Variants in SLC38A11 observed in about 807,000 individuals in gnomAD.
The protein encoded by SLC38A11 is solute carrier family 38 member 11.
In SLC38A11, 51 loss-of-function variants were observed where a neutral mutation model predicts 49.4. That is an observed-to-expected ratio of 1.03 (90% CI 0.83 to 1.30). The LOEUF is 1.30. Ranked by LOEUF, SLC38A11 falls within the 50% of genes most tolerant of loss-of-function variation. The pLI is 0.00. For missense variants in SLC38A11, 574 were observed against 556.2 expected, an observed-to-expected ratio of 1.03 and a Z score of -0.32; for synonymous variants, 203 against 192.9, an observed-to-expected ratio of 1.05 and a Z score of -0.43.
intron 3 of SLC38A11, among the ~76,000 whole-genome samples, chr2:164,952,465 G>A (rs1688586511): frequency 2.0e-5 from 3 of 152,164 alleles, no homozygotes; most frequent in South Asian, 4.1e-4. Flanking sequence ...AGTGAAAAAG[G>A]CACATGAAAA....
chr2:164,932,200 C>A (rs966443548), intron 7 of SLC38A11, among the ~76,000 whole-genome samples: 1 of 151,930 alleles, frequency 6.6e-6, no homozygotes, highest in Non-Finnish European at 1.5e-5. Flanking sequence ...GAATCAAAAC[C>A]ACAATGACAT....
Position 164,898,403 on chromosome 2 carries a change from C to T in SLC38A11, c.*34G>A, listed in dbSNP as rs764311971. ...GCGTAAATGTTATGTGTTTTAAAGTCTATGAAAACATACATATTTTTAAAG... is the reference window on the plus strand; with the variant it reads ...GCGTAAATGTTATGTGTTTTAAAGTTTATGAAAACATACATATTTTTAAAG... On this transcript the variant is annotated 3_prime_UTR_variant, in exon 12 of 12. Transcript: ENST00000685975. The T allele has an allele frequency of 4.2e-6, 6 of 1,440,674 alleles. No homozygotes were observed. The African/African-American group carries it at 4.3e-5, about 10-fold the overall frequency. The allele number at this position is 1,440,674 out of a possible 1,614,324, so 89.2% of individuals were successfully genotyped here. A position where few individuals can be genotyped will look rare whatever the true frequency, so the allele number is the denominator to read the frequency against.
intron 11 of SLC38A11, among the ~76,000 whole-genome samples, chr2:164,902,779 G>A (rs1195117973): frequency 6.6e-6 from 1 of 151,962 alleles, no homozygotes; most frequent in African/African-American, 2.4e-5. Context: ...GTAACTTTTT[G>A]AATTTTTACA....
rs1687986828 is a variant in SLC38A11 at position 164,944,617 on chromosome 2, T to C, written c.382A>G (p.Ile128Val). Residue 128 changes from isoleucine (I) to valine (V), a missense_variant, in exon 5 of 12, where the codon ATA (isoleucine) becomes GTA (valine). Physicochemically the swap from Ile to Val is conservative, Grantham distance 29. Transcript: ENST00000685975. ...YPFIAMISYN[I>V]IAGDTLSKVF... ...TTGCTCAAAGTATCTCCAGCTATTA[T>C]ATTGTAACTTATCATTGCTAAAAAC... 2 of 1,313,008 alleles carry C rather than the reference T, an allele frequency of 1.5e-6. No homozygotes were observed. The highest frequency in any genetic ancestry group is 1.5e-5 in the African/African-American group (1 of 66,348). The allele number at this position is 1,313,008 out of a possible 1,614,324, so 81.3% of individuals were successfully genotyped here.
chr2:164,916,424 AG>A (rs1301963502), intron 7 of SLC38A11, among the ~76,000 whole-genome samples: 5 of 152,096 alleles, frequency 3.3e-5, no homozygotes, highest in African/African-American at 1.2e-4. Flanking sequence ...TTATTGAGAG[AG>A]GTAAACATGA....
intron 3 of SLC38A11, among the ~76,000 whole-genome samples, chr2:164,951,277 G>C (rs1688506781): frequency 6.6e-6 from 1 of 152,118 alleles, no homozygotes; most frequent in African/African-American, 2.4e-5. Context: ...ATAAACCATA[G>C]TGATTATGGT....
At position 164,952,336 on chromosome 2, in the gene SLC38A11, G is replaced by A. The variant is rs551854831; in HGVS notation, c.229+371C>T. Reference sequence around the variant, plus strand: ...CCTCCACAAACAACAGCTGAATAAGGTTGCTCATTCACACGCACCTGCCCA... The same window carrying A: ...CCTCCACAAACAACAGCTGAATAAGATTGCTCATTCACACGCACCTGCCCA... On this transcript the variant is annotated intron_variant, in intron 3 of 11. Coordinates refer to ENST00000685975, the MANE Select transcript of SLC38A11 (RefSeq NM_001351537.2). Among the ~76,000 whole-genome samples, 4 of 152,216 alleles carry A rather than the reference G, an allele frequency of 2.6e-5. No individual in the cohort carries two copies. The South Asian group carries it at 8.3e-4, about 32-fold the overall frequency.
At chr2:164,908,327 C>G (rs1685159601) in intron 11 of SLC38A11, among the ~76,000 whole-genome samples, 1 of 152,040 alleles carries the variant, frequency 6.6e-6, no homozygotes, top group Non-Finnish European at 1.5e-5. Flanking sequence ...CATTTTGGAT[C>G]AGATAATTTT....
At chr2:164,910,109 CTG>C (rs917723119) in intron 10 of SLC38A11, among the ~76,000 whole-genome samples, 4 of 151,702 alleles carry the variant, frequency 2.6e-5, no homozygotes, top group Admixed American at 6.6e-5. Flanking sequence ...GTGTGTGTAC[CTG>C]TGTGTGTGTG....
rs4001062 is a variant in SLC38A11 at position 164,955,044 on chromosome 2, G to GA, written c.39+164dup. Among the ~76,000 whole-genome samples, 988 of 144,780 alleles carry GA rather than the reference G, an allele frequency of 6.8e-3. 10 individuals are homozygous for GA. The highest frequency in any genetic ancestry group is 0.019 in the South Asian group (89 of 4,596). The allele number at this position is 144,780 out of a possible 152,430, so 95.0% of individuals were successfully genotyped here. A position where few individuals can be genotyped will look rare whatever the true frequency, so the allele number is the denominator to read the frequency against. On this transcript the variant is annotated intron_variant, in intron 1 of 11. Transcript: ENST00000685975. ...TTTGTGAAATTAAAGTGCCTGCTAAGAAAAAAAAAAAAAAAAGTCAGATTA... is the reference window on the plus strand; with the variant it reads ...TTTGTGAAATTAAAGTGCCTGCTAAGAAAAAAAAAAAAAAAAAGTCAGATTA...
intron 6 of SLC38A11, among the ~76,000 whole-genome samples, chr2:164,937,999 G>A (rs561105040): frequency 1.3e-5 from 2 of 151,566 alleles, no homozygotes; most frequent in African/African-American, 4.8e-5. Context: ...CTTCCTCTCT[G>A]TTCTGTCATT....
Position 164,952,694 on chromosome 2 carries a change from T to G in SLC38A11, c.229+13A>C. ...TTGAAGTTGCAGAAATAAGAAATTA[T>G]ATAGTATTTTACCTGTAACATATGA... On this transcript the variant is annotated intron_variant, in intron 3 of 11. Coordinates refer to ENST00000685975, the MANE Select transcript of SLC38A11 (RefSeq NM_001351537.2). The G allele has an allele frequency of 6.4e-7, 1 of 1,562,346 alleles. No individual in the cohort carries two copies. Among genetic ancestry groups the G allele is most frequent in the Non-Finnish European group, 8.8e-7 (1 of 1,133,224 alleles).
chr2:164,937,526 T>C (rs1687456123), intron 6 of SLC38A11, 97 bp from the exon 7 acceptor site: 1 of 811,452 alleles, frequency 1.2e-6, no homozygotes, highest in Admixed American at 2.3e-5. Context: ...TAAACTTACA[T>C]ATAGATTTTT....
chr2:164,900,807 G>T (rs1355929670), intron 11 of SLC38A11, among the ~76,000 whole-genome samples: 2 of 151,870 alleles, frequency 1.3e-5, no homozygotes, highest in Non-Finnish European at 2.9e-5. Context: ...TTAGTTTGAT[G>T]TAGTCCTATT....
intron 7 of SLC38A11, among the ~76,000 whole-genome samples, chr2:164,934,775 TA>T (rs1334296084): frequency 6.6e-6 from 1 of 152,194 alleles, no homozygotes; most frequent in Non-Finnish European, 1.5e-5. Flanking sequence ...TTAAAATTTT[TA>T]GCCCAAATTA....
chr2:164,917,479 G>A (rs1261352719), intron 7 of SLC38A11, among the ~76,000 whole-genome samples: 1 of 152,120 alleles, frequency 6.6e-6, no homozygotes, highest in South Asian at 2.1e-4. Flanking sequence ...TTTGGGAGTG[G>A]GAACTACTGC....
intron 11 of SLC38A11, among the ~76,000 whole-genome samples, chr2:164,903,121 A>T (rs1449790797): frequency 6.6e-6 from 1 of 152,212 alleles, no homozygotes; most frequent in African/African-American, 2.4e-5. Flanking sequence ...AACAAAAACT[A>T]TTAGCCTCTG....
At chr2:164,944,922 T>A (rs1278233095) in intron 4 of SLC38A11, among the ~76,000 whole-genome samples, 4 of 152,190 alleles carry the variant, frequency 2.6e-5, no homozygotes, top group Non-Finnish European at 5.9e-5. Context: ...TATTTTGTTG[T>A]TAAAGTTCAG....
chr2:164,952,646 G>GTT (rs1294472416), intron 3 of SLC38A11, 61 bp downstream of exon 3: 12 of 953,300 alleles, frequency 1.3e-5, no homozygotes, highest in Non-Finnish European at 1.7e-5. Context: ...GTGTGTGTGT[G>GTT]TATGTGTGTA....
Sources: allele counts gnomAD v4.1 joint callset (sites outside exome capture counted in the v4.1 genomes callset), GRCh38; gene constraint gnomAD v4.1.1; transcripts MANE v1.5; gene names NCBI Gene and HGNC (gene_info 2026-07-23, HGNC 2026-07-21).